Variants in ETS1 observed in about 807,000 individuals in gnomAD.
ETS1 encodes the protein protein C-ets-1.
Under a neutral mutation model 58.6 loss-of-function variants are expected in ETS1, and 15 were observed. The ratio of observed to expected loss-of-function variants is 0.26; its 90% CI spans 0.17 to 0.39. The LOEUF is 0.39. ETS1 is among the 10% of genes least tolerant of loss of function. The pLI, the probability that ETS1 is intolerant of heterozygous loss-of-function variation, is 1.00. For synonymous variants in ETS1, 214 were observed against 218.2 expected (o/e 0.98, Z 0.17); for missense variants, 417 against 610.5 (o/e 0.68, Z 3.34).
intron 8 of ETS1, among the ~76,000 whole-genome samples, chr11:128,478,835 TCTC>T: frequency 6.6e-6 from 1 of 152,112 alleles, no homozygotes. Context: ...TTCCTAATAA[TCTC>T]CTTTCAAAGA....
In ETS1 at chr11:128,507,257, G is replaced by T. The variant is rs568945051; in HGVS notation, c.215-16681C>A. On this transcript the variant is annotated intron_variant, in intron 3 of 9. Coordinates refer to ENST00000392668, the MANE Select transcript of ETS1 (RefSeq NM_001143820.2). The stretch of plus-strand genomic sequence containing the variant: ...CCCTCCATGAGTAAATAAAGGCAGG[G>T]ACGGAGGGAGGGAGAGGGAAGGAGA... 6.6e-4 allele frequency among the ~76,000 whole-genome samples: 100 copies of T among 152,324 alleles called. 2 individuals are homozygous for T. In the South Asian group the frequency reaches 0.014, roughly 21 times the overall value.
intron 3 of ETS1, among the ~76,000 whole-genome samples, chr11:128,550,094 T>C (rs1030433331): frequency 6.6e-6 from 1 of 152,056 alleles, no homozygotes; most frequent in African/African-American, 2.4e-5. Flanking sequence ...AAAGAGTGTA[T>C]TTCACCTGTG....
chr11:128,584,989 AGGAAGGAAGGAAG>A (rs1180203004), intron 1 of ETS1, among the ~76,000 whole-genome samples: 987 of 51,176 alleles, frequency 0.019, 203 homozygotes, highest in Non-Finnish European at 0.022. Flanking sequence ...AAAGAAAGAA[AGGAAGGAAGGAAG>A]GAAAGAAAGG....
In ETS1 at chr11:128,569,318, C is replaced by CTTTTTTTTTTTT. The variant is rs398018017; in HGVS notation, c.69+3732_69+3743dup. On this transcript the variant is annotated intron_variant, in intron 2 of 9. Coordinates refer to ENST00000392668, the MANE Select transcript of ETS1 (RefSeq NM_001143820.2). ...TACCATACATGGGACAGAGTTTCTT[C>CTTTTTTTTTTTT]TTTTTTTTTTTTTTTTTTTTTTTTG... Among the ~76,000 whole-genome samples the CTTTTTTTTTTTT allele has an allele frequency of 8.1e-3, 319 of 39,458 alleles. 90 individuals carry two copies. Among genetic ancestry groups the CTTTTTTTTTTTT allele is most frequent in the African/African-American group, 0.017 (153 of 9,132 alleles). 25.9% of individuals were successfully genotyped at this position (39,458 alleles called of 152,430 possible). A position where few individuals can be genotyped will look rare whatever the true frequency, so the allele number is the denominator to read the frequency against.
At chr11:128,509,044 T>TA (rs1392247057) in intron 3 of ETS1, among the ~76,000 whole-genome samples, 1 of 152,030 alleles carries the variant, frequency 6.6e-6, no homozygotes. Flanking sequence ...CCAATCTCAT[T>TA]AAAAAAACTA....
chr11:128,515,239 T>C (rs1217401990), intron 3 of ETS1, among the ~76,000 whole-genome samples: 1 of 151,008 alleles, frequency 6.6e-6, no homozygotes, highest in African/African-American at 2.5e-5. Flanking sequence ...TCAAAGTTCA[T>C]TTTATCTCTC....
chr11:128,488,832 C>A (rs1862711809), intron 5 of ETS1, among the ~76,000 whole-genome samples: 1 of 152,168 alleles, frequency 6.6e-6, no homozygotes, highest in Non-Finnish European at 1.5e-5. Flanking sequence ...GCAGAGAAAT[C>A]TGTCTTATTA....
At chr11:128,551,900 G>A (rs981689020) in intron 3 of ETS1, among the ~76,000 whole-genome samples, 4 of 152,102 alleles carry the variant, frequency 2.6e-5, no homozygotes, top group Non-Finnish European at 4.4e-5. Flanking sequence ...AGCAGCATCA[G>A]CAGCACCTGA....
chr11:128,476,429 G>A (rs1400671539), intron 8 of ETS1, among the ~76,000 whole-genome samples: 1 of 152,252 alleles, frequency 6.6e-6, no homozygotes, highest in East Asian at 1.9e-4. Context: ...TTCTATTCAG[G>A]TGAGACATTT....
chr11:128,504,694 A>T (rs776496558), intron 3 of ETS1, among the ~76,000 whole-genome samples: 55 of 151,754 alleles, frequency 3.6e-4, no homozygotes, highest in Non-Finnish European at 8.8e-5. Context: ...CCCTCTCAGG[A>T]TTTTTTTTTC....
intron 3 of ETS1, among the ~76,000 whole-genome samples, chr11:128,548,437 T>C (rs530163048): frequency 1.3e-5 from 2 of 152,072 alleles, no homozygotes; most frequent in South Asian, 4.1e-4. Context: ...TCGTCCAGGG[T>C]TGCACAGCTG....
chr11:128,508,709 A>G (rs992021520), intron 3 of ETS1, among the ~76,000 whole-genome samples: 16 of 152,214 alleles, frequency 1.1e-4, no homozygotes, highest in African/African-American at 3.9e-4. Context: ...AAATATAAGA[A>G]CCAAGAACCA....
chr11:128,571,403 C>T (rs1864625887), intron 2 of ETS1, among the ~76,000 whole-genome samples: 1 of 140,560 alleles, frequency 7.1e-6, no homozygotes, highest in Non-Finnish European at 1.5e-5. Flanking sequence ...GGTGACAGAG[C>T]GAGACTCCGT....
chr11:128,522,703 G>A (rs557016772), intron 3 of ETS1, among the ~76,000 whole-genome samples: 2 of 152,222 alleles, frequency 1.3e-5, no homozygotes, highest in East Asian at 3.9e-4. Context: ...TGAGGGCTTG[G>A]TCACCCGCTC....
In ETS1 at chr11:128,556,427, T is replaced by A. The variant is rs756564913; in HGVS notation, c.78A>T (p.Gly26=). ...SAPRPAVVRQ[G]PSNTYEDPRM... ...GAGGATCTTCATAAGTGTTGCTAGG[T>A]CCTTGCCTCTGTGCAAGAAAAAATA... The change falls in exon 3 of 10, where the codon GGA becomes GGT. Residue 26 remains glycine, a synonymous_variant. Transcript: ENST00000392668. 5.0e-6 allele frequency: 8 copies of A among 1,601,804 alleles called. 1 individual carries two copies. The highest frequency in any genetic ancestry group is 1.1e-5 in the South Asian group (1 of 88,780).
intron 2 of ETS1, among the ~76,000 whole-genome samples, chr11:128,571,138 A>G (rs924558526): frequency 6.6e-6 from 1 of 152,156 alleles, no homozygotes; most frequent in Non-Finnish European, 1.5e-5. Flanking sequence ...TGCTAAAAAA[A>G]GAACTTCAGG....
intron 3 of ETS1, among the ~76,000 whole-genome samples, chr11:128,547,118 C>T (rs1864144831): frequency 6.6e-6 from 1 of 152,198 alleles, no homozygotes. Context: ...GATTTAAATA[C>T]ACTCCCTTGG....
chr11:128,572,801 A>C (rs966817505), intron 2 of ETS1, among the ~76,000 whole-genome samples: 1 of 152,264 alleles, frequency 6.6e-6, no homozygotes, highest in Non-Finnish European at 1.5e-5. Flanking sequence ...TTAACTGTTC[A>C]TCATATTTGA....
chr11:128,562,577 A>G (rs1169789818), intron 2 of ETS1, among the ~76,000 whole-genome samples: 2 of 152,172 alleles, frequency 1.3e-5, no homozygotes, highest in Non-Finnish European at 2.9e-5. Flanking sequence ...AGGCTACCAG[A>G]GGACATGAGC....
Sources: allele counts gnomAD v4.1 joint callset (sites outside exome capture counted in the v4.1 genomes callset), GRCh38; gene constraint gnomAD v4.1.1; transcripts MANE v1.5; gene names NCBI Gene and HGNC (gene_info 2026-07-23, HGNC 2026-07-21).